The following SUFU variants were observed in gnomAD, a reference collection of about 807,000 sequenced individuals.
SUFU encodes the protein SUFU negative regulator of hedgehog signaling.
In SUFU, 7 loss-of-function variants were observed where a neutral mutation model predicts 58.9. That is an observed-to-expected ratio of 0.12 (90% confidence interval 0.07 to 0.22). The LOEUF (loss-of-function observed/expected upper bound fraction) is 0.22, where lower values mean the gene tolerates loss of function less well. Ranked by LOEUF, SUFU falls within the 10% of genes least tolerant of loss-of-function variation. The pLI is 1.00. For missense variants in SUFU, 451 were observed against 641.3 expected, an observed-to-expected ratio of 0.70 and a Z score of 3.20; for synonymous variants, 232 against 254.8, an observed-to-expected ratio of 0.91 and a Z score of 0.85.
At chr10:102,524,917 C>T (rs1038181674) in intron 2 of SUFU, among the ~76,000 whole-genome samples, 3 of 152,150 alleles carry the variant, frequency 2.0e-5, no homozygotes, top group Admixed American at 6.5e-5. Flanking sequence ...CCACTGGAGA[C>T]GGAGAATTCT....
At chr10:102,600,652 A>T (rs2063506602) in intron 8 of SUFU, among the ~76,000 whole-genome samples, 1 of 152,190 alleles carries the variant, frequency 6.6e-6, no homozygotes, top group South Asian at 2.1e-4. Context: ...AGAACATAGC[A>T]TCGACCTTGA....
intron 2 of SUFU, among the ~76,000 whole-genome samples, chr10:102,510,501 C>T (rs1385134078): frequency 1.3e-5 from 2 of 149,388 alleles, no homozygotes; most frequent in Admixed American, 1.3e-4. Flanking sequence ...ACGACTGTGC[C>T]CGGCCTGCTA....
At chr10:102,600,764 G>A (rs2063508234) in intron 8 of SUFU, among the ~76,000 whole-genome samples, 1 of 152,178 alleles carries the variant, frequency 6.6e-6, no homozygotes, top group Admixed American at 6.5e-5. Flanking sequence ...GACCTGACTG[G>A]AACTAGAGTT....
At chr10:102,627,741 C>T (rs1010833314) in intron 11 of SUFU, among the ~76,000 whole-genome samples, 2 of 152,220 alleles carry the variant, frequency 1.3e-5, no homozygotes, top group African/African-American at 2.4e-5. Context: ...TGAGCTGTGC[C>T]TCTTAGTCTC....
At chr10:102,618,005 T>TCC (rs1564707772) in intron 10 of SUFU, 1 of 162,702 alleles carries the variant, frequency 6.1e-6, no homozygotes, top group East Asian at 1.8e-4. Context: ...TTTGCTCTTC[T>TCC]GGCTGGAGCG....
chr10:102,601,336 C>T (rs192920096), intron 8 of SUFU, among the ~76,000 whole-genome samples: 13 of 152,306 alleles, frequency 8.5e-5, no homozygotes, highest in African/African-American at 2.6e-4. Flanking sequence ...TCAGCCTACA[C>T]CCTAACTGGG....
chr10:102,613,530 C>G (rs1011809420), intron 8 of SUFU, among the ~76,000 whole-genome samples: 3 of 152,254 alleles, frequency 2.0e-5, no homozygotes, highest in Non-Finnish European at 2.9e-5. Context: ...CAGGCCCCAG[C>G]ACCTAGCCCC....
chr10:102,631,338 C>T lies in SUFU; in HGVS notation c.*1183C>T, dbSNP rs1052024853. ...CACTCCTAATCCCTCTCCTTTCTGG[C>T]ATCCTGGCCTCTCGTGGTCCTCAGC... is the stretch of plus-strand genomic sequence containing the variant. On this transcript the variant is annotated 3_prime_UTR_variant, in exon 12 of 12. Coordinates refer to ENST00000369902, the MANE Select transcript of SUFU (RefSeq NM_016169.4). 2.1e-5 allele frequency: 5 copies of T among 233,698 alleles called. No individual in the cohort carries two copies. The highest frequency in any genetic ancestry group is 1.7e-4 in the Admixed American group (3 of 17,786). The allele number at this position is 233,698 out of a possible 1,614,324, so 14.5% of individuals were successfully genotyped here.
intron 3 of SUFU, among the ~76,000 whole-genome samples, chr10:102,582,265 T>C (rs2063288941): frequency 6.6e-6 from 1 of 152,156 alleles, no homozygotes; most frequent in South Asian, 2.1e-4. Flanking sequence ...CCTGTACTTT[T>C]GCACAGAAGG....
At chr10:102,505,904 G>C (rs1235121593) in intron 1 of SUFU, among the ~76,000 whole-genome samples, 1 of 152,104 alleles carries the variant, frequency 6.6e-6, no homozygotes, top group East Asian at 1.9e-4. Flanking sequence ...CATGTGTCAG[G>C]AGAAAAGTGG....
At chr10:102,576,273 A>G (rs2063211101) in intron 3 of SUFU, among the ~76,000 whole-genome samples, 1 of 151,276 alleles carries the variant, frequency 6.6e-6, no homozygotes, top group Admixed American at 6.6e-5. Flanking sequence ...AGCTTGCCAG[A>G]TTTTTTTCTA....
chr10:102,509,203 A>G lies in SUFU; in HGVS notation c.217A>G (p.Met73Val). 1.2e-6 allele frequency: 2 copies of G among 1,614,186 alleles called. No homozygotes were observed. The highest frequency in any genetic ancestry group is 1.7e-6 in the Non-Finnish European group (2 of 1,180,032). Residue 73 changes from methionine (M) to valine (V), a missense_variant, in exon 2 of 12, where the codon ATG becomes GTG. Transcript: ENST00000369902. ...CCCAGACCCCTTGGACTATGTTAGC[A>G]TGTACAGGAATGTGGGGAGCCCTTC... ...GGPDPLDYVS[M>V]YRNVGSPSAN...
At chr10:102,555,979 T>G (rs1031830576) in intron 3 of SUFU, among the ~76,000 whole-genome samples, 2 of 152,206 alleles carry the variant, frequency 1.3e-5, no homozygotes, top group African/African-American at 4.8e-5. Context: ...CTTAGTGAGT[T>G]TATGGGGAGC....
At position 102,631,657 on chromosome 10, in the gene SUFU, G is replaced by A. The variant is rs2063838198; in HGVS notation, c.*1502G>A. Reference sequence around the variant, plus strand: ...GGGATGCCACAGGAGTGCCCACAGGGTGCAGGACTCCACTGATGAGAGATC... The same window carrying A: ...GGGATGCCACAGGAGTGCCCACAGGATGCAGGACTCCACTGATGAGAGATC... On this transcript the variant is annotated 3_prime_UTR_variant, in exon 12 of 12. Coordinates refer to ENST00000369902, the MANE Select transcript of SUFU (RefSeq NM_016169.4). 1 of 233,320 alleles carries A rather than the reference G, an allele frequency of 4.3e-6. No homozygotes were observed. The highest frequency in any genetic ancestry group is 5.6e-5 in the Admixed American group (1 of 17,776). 14.5% of individuals were successfully genotyped at this position (233,320 alleles called of 1,614,324 possible).
chr10:102,551,267 T>C (rs1195697395), intron 3 of SUFU, among the ~76,000 whole-genome samples: 4 of 152,198 alleles, frequency 2.6e-5, no homozygotes, highest in Non-Finnish European at 5.9e-5. Flanking sequence ...TGGCTGCCCA[T>C]CAACCTCTTC....
Position 102,633,260 on chromosome 10 carries a change from AG to A in SUFU, c.*3106del. ...GTAGGGAGACCCCTCCTTTTGTACA[AG>A]TACCTGAATGCTGCGACAAGCAGAT... On this transcript the variant is annotated 3_prime_UTR_variant, in exon 12 of 12. Coordinates refer to ENST00000369902, the MANE Select transcript of SUFU (RefSeq NM_016169.4). The A allele has an allele frequency of 4.3e-6, 1 of 233,206 alleles. No homozygotes were observed. The highest frequency in any genetic ancestry group is 8.5e-6 in the Non-Finnish European group (1 of 117,830). 14.4% of individuals were successfully genotyped at this position (233,206 alleles called of 1,614,324 possible). A position where few individuals can be genotyped will look rare whatever the true frequency, so the allele number is the denominator to read the frequency against.
rs748560993 is a variant in SUFU, at chr10:102,505,522, C to T, written c.182+1188C>T. On this transcript the variant is annotated intron_variant, in intron 1 of 11. Coordinates refer to ENST00000369902, the MANE Select transcript of SUFU (RefSeq NM_016169.4). ...GGCAAGTGGACATCTTTGCTGGTTA[C>T]CTCTCCTTTTAGGACTGAGTCTTCC... Among the ~76,000 whole-genome samples, 35 of 152,232 alleles carry T rather than the reference C, an allele frequency of 2.3e-4. 1 individual carries two copies. The highest frequency in any genetic ancestry group is 2.6e-4 in the Non-Finnish European group (18 of 68,046).
chr10:102,506,265 C>G (rs1357855776), intron 1 of SUFU, among the ~76,000 whole-genome samples: 2 of 152,052 alleles, frequency 1.3e-5, no homozygotes, highest in African/African-American at 2.4e-5. Flanking sequence ...TTGTTAACAG[C>G]CATATCTTCA....
rs370004514 is a variant in SUFU at position 102,621,749 on chromosome 10, T to C, written c.1296+4321T>C. On this transcript the variant is annotated intron_variant, in intron 10 of 11. Coordinates refer to ENST00000369902, the MANE Select transcript of SUFU (RefSeq NM_016169.4). The stretch of plus-strand genomic sequence containing the variant: ...GGAGGGAAAAGAAAGCCAAATTTGT[T>C]GGGAAGCAAGTACAACGTGTCAACA... Among the ~76,000 whole-genome samples the C allele has an allele frequency of 5.9e-5, 9 of 152,296 alleles. No individual in the cohort carries two copies. The East Asian group carries it at 1.2e-3, about 20-fold the overall frequency.
Sources: gnomAD v4.1 joint callset for allele counts (sites outside exome capture counted in the v4.1 genomes callset) on GRCh38, gnomAD v4.1.1 for gene constraint, MANE v1.5 for transcripts, NCBI Gene and HGNC (gene_info 2026-07-23, HGNC 2026-07-21) for gene names.